Variants in SAMTOR observed in about 807,000 individuals in gnomAD.
SAMTOR encodes the protein S-adenosylmethionine sensor upstream of mTORC1.
At chr7:112,881,688 G>A in the SAMTOR span, among the ~76,000 whole-genome samples, 1 of 152,158 alleles carries the variant, frequency 6.6e-6, no homozygotes, top group Non-Finnish European at 1.5e-5. Flanking sequence ...TCTCCTCTCC[G>A]CTGAGAGCTG....
chr7:112,939,756 A>AGCAGCCGCC, the SAMTOR span: 1 of 1,586,152 alleles, frequency 6.3e-7, no homozygotes, highest in East Asian at 2.2e-5. Flanking sequence ...TCCATATCGC[A>AGCAGCCGCC]GCCGCCGCCG....
At chr7:112,902,041 G>A in the SAMTOR span, among the ~76,000 whole-genome samples, 2 of 152,216 alleles carry the variant, frequency 1.3e-5, no homozygotes, top group East Asian at 3.9e-4. Flanking sequence ...ATCAGAAAAA[G>A]CTACAAACTT....
chr7:112,902,745 T>C, the SAMTOR span, among the ~76,000 whole-genome samples: 3 of 152,214 alleles, frequency 2.0e-5, no homozygotes, highest in Non-Finnish European at 2.9e-5. Context: ...TGGTTGTATA[T>C]GGGAACTTTC....
At chr7:112,834,019 C>G in the SAMTOR span, among the ~76,000 whole-genome samples, 1 of 152,124 alleles carries the variant, frequency 6.6e-6, no homozygotes, top group Non-Finnish European at 1.5e-5. Context: ...GTCTTAAGTA[C>G]CTACGACTGA....
At chr7:112,868,954 G>A in the SAMTOR span, among the ~76,000 whole-genome samples, 31 of 152,288 alleles carry the variant, frequency 2.0e-4, 2 homozygotes, top group South Asian at 6.2e-3. Context: ...TGCTTCCTTG[G>A]TTGGTTGCGG....
At chr7:112,905,217 C>T in the SAMTOR span, among the ~76,000 whole-genome samples, 2 of 152,276 alleles carry the variant, frequency 1.3e-5, no homozygotes, top group African/African-American at 4.8e-5. Flanking sequence ...TCCTTTAGCT[C>T]CTGCTTCTGA....
At chr7:112,873,304 C>T in the SAMTOR span, among the ~76,000 whole-genome samples, 5 of 152,104 alleles carry the variant, frequency 3.3e-5, no homozygotes, top group African/African-American at 9.7e-5. Context: ...CATCACATTA[C>T]CCAATTGCAA....
the SAMTOR span, among the ~76,000 whole-genome samples, chr7:112,856,467 C>A: frequency 6.6e-6 from 1 of 152,028 alleles, no homozygotes; most frequent in Non-Finnish European, 1.5e-5. Context: ...CCAGGCTGGT[C>A]TCGAACTCCT....
the SAMTOR span, among the ~76,000 whole-genome samples, chr7:112,829,414 T>A: frequency 6.6e-6 from 1 of 152,222 alleles, no homozygotes; most frequent in South Asian, 2.1e-4. Context: ...GGAAAGAATA[T>A]AAACTGTGTA....
chr7:112,849,901 T>C, the SAMTOR span, among the ~76,000 whole-genome samples: 1 of 152,314 alleles, frequency 6.6e-6, no homozygotes, highest in Middle Eastern at 3.4e-3. Context: ...CATTTATTGA[T>C]TGCATATGTT....
the SAMTOR span, among the ~76,000 whole-genome samples, chr7:112,915,871 C>T: frequency 1.3e-5 from 2 of 152,118 alleles, no homozygotes; most frequent in Non-Finnish European, 2.9e-5. Flanking sequence ...TATAACTTTG[C>T]AGGAGCTGAG....
chr7:112,877,476 T>C, the SAMTOR span, among the ~76,000 whole-genome samples: 1 of 152,186 alleles, frequency 6.6e-6, no homozygotes, highest in Non-Finnish European at 1.5e-5. Flanking sequence ...GGTGAAATAC[T>C]TTTAAAAAAT....
chr7:112,896,189 G>A, the SAMTOR span, among the ~76,000 whole-genome samples: 1 of 152,020 alleles, frequency 6.6e-6, no homozygotes. Flanking sequence ...GGGTGAGTGT[G>A]CGTGCACGCG....
the SAMTOR span, among the ~76,000 whole-genome samples, chr7:112,840,686 G>C: frequency 2.0e-5 from 3 of 151,362 alleles, no homozygotes; most frequent in African/African-American, 7.3e-5. Context: ...AATAATTTTG[G>C]CTTTCCAAAT....
chr7:112,892,771 CA>C, the SAMTOR span, among the ~76,000 whole-genome samples: 2,825 of 136,116 alleles, frequency 0.021, 81 homozygotes, highest in Admixed American at 0.079. Flanking sequence ...GACCCATCTC[CA>C]AAAAAAAAAA....
chr7:112,880,381 G>C, the SAMTOR span, among the ~76,000 whole-genome samples: 2 of 152,084 alleles, frequency 1.3e-5, no homozygotes, highest in East Asian at 3.9e-4. Context: ...AAGAGACTCA[G>C]AATGTTAGAT....
chr7:112,899,313 A>G, the SAMTOR span, among the ~76,000 whole-genome samples: 1 of 152,080 alleles, frequency 6.6e-6, no homozygotes, highest in African/African-American at 2.4e-5. Flanking sequence ...ATGTATTACT[A>G]TCTAAACAGA....
At chr7:112,934,913 G>A in the SAMTOR span, among the ~76,000 whole-genome samples, 14 of 152,154 alleles carry the variant, frequency 9.2e-5, no homozygotes, top group East Asian at 2.5e-3. Context: ...AAACACTAAT[G>A]TACATTGTAT....
chr7:112,822,139 T>C, the SAMTOR span: 1 of 1,613,848 alleles, frequency 6.2e-7, no homozygotes, highest in Non-Finnish European at 8.5e-7. Context: ...GGTGTGATGA[T>C]TAGTAATAAA....
Sources: gnomAD v4.1 joint callset for allele counts (sites outside exome capture counted in the v4.1 genomes callset) on GRCh38, gnomAD v4.1.1 for gene constraint, MANE v1.5 for transcripts, NCBI Gene and HGNC (gene_info 2026-07-23, HGNC 2026-07-21) for gene names.